Variants in NTN1 observed in about 807,000 individuals in gnomAD.
The protein encoded by NTN1 is netrin-1.
In NTN1, 11 loss-of-function variants were observed where a neutral mutation model predicts 54.2. The observed-to-expected ratio is 0.20, with a 90% CI of 0.13 to 0.34. The LOEUF (loss-of-function observed/expected upper bound fraction) is 0.34. NTN1 is among the 10% of genes least tolerant of loss of function. The pLI, the probability that NTN1 is intolerant of heterozygous loss-of-function variation, is 1.00. For missense variants in NTN1, 740 were observed against 893.1 expected (o/e 0.83, Z 2.18); for synonymous variants, 371 against 382.0 (o/e 0.97, Z 0.33).
intron 2 of NTN1, among the ~76,000 whole-genome samples, chr17:9,149,158 T>G (rs1215997160): frequency 6.6e-6 from 1 of 152,028 alleles, no homozygotes; most frequent in African/African-American, 2.4e-5. Flanking sequence ...GAGCCAGGCT[T>G]GGCCGGCTTG....
chr17:9,163,470 C>CT lies in NTN1; in HGVS notation c.1207+469_1207+470insT, dbSNP rs1355382517. Among the ~76,000 whole-genome samples the CT allele has an allele frequency of 4.5e-5, 4 of 89,768 alleles. No individual in the cohort carries two copies. In the Admixed American group the frequency reaches 5.4e-4, roughly 12 times the overall value. The allele number at this position is 89,768 out of a possible 152,430, so 58.9% of individuals were successfully genotyped here. A position where few individuals can be genotyped will look rare whatever the true frequency, so the allele number is the denominator to read the frequency against. On this transcript the variant is annotated intron_variant, in intron 3 of 6. Coordinates refer to ENST00000173229, the MANE Select transcript of NTN1 (RefSeq NM_004822.3). ...ATATGTGCGCACCGCCCCTCACTCC[C>CT]CCCCGAAACACACACACACACACAC... is the stretch of plus-strand genomic sequence containing the variant.
chr17:9,114,157 A>G lies in NTN1; in HGVS notation c.1019-48656A>G, dbSNP rs1212097326. On this transcript the variant is annotated intron_variant, in intron 2 of 6. Coordinates refer to ENST00000173229, the MANE Select transcript of NTN1 (RefSeq NM_004822.3). ...AGCCTGGGTGCCAAAAAAAAAGAAA[A>G]AAAAAAAAAATATATATATATATAT... is the stretch of plus-strand genomic sequence containing the variant. Among the ~76,000 whole-genome samples, 10 of 100,142 alleles carry G rather than the reference A, an allele frequency of 1.0e-4. 1 individual carries two copies. Among genetic ancestry groups the G allele is most frequent in the Non-Finnish European group, 1.8e-4 (9 of 49,444 alleles). The allele number at this position is 100,142 out of a possible 152,430, so 65.7% of individuals were successfully genotyped here.
In NTN1 at chr17:9,023,145, G is replaced by T; in HGVS notation, c.772G>T (p.Gly258Cys). Residue 258 changes from glycine (G) to cysteine (C), a missense_variant, in exon 2 of 7, where the codon GGC becomes TGC. Physicochemically the swap from Gly to Cys is radical, Grantham distance 159 (BLOSUM62 -3). Transcript: ENST00000173229. The stretch of plus-strand genomic sequence containing the variant: ...GGCCTTCAGCCGCCTGCACACGTTC[G>T]GCGACGAGAACGAGGACGACTCGGA... ...RVAFSRLHTFGDENEDDSELA... is the reference protein window; with the variant it reads ...RVAFSRLHTFCDENEDDSELA... The T allele has an allele frequency of 6.4e-7, 1 of 1,564,744 alleles. No individual in the cohort carries two copies. The highest frequency in any genetic ancestry group is 8.7e-7 in the Non-Finnish European group (1 of 1,153,582).
intron 2 of NTN1, among the ~76,000 whole-genome samples, chr17:9,048,797 T>C (rs895228173): frequency 3.3e-5 from 5 of 152,140 alleles, no homozygotes; most frequent in African/African-American, 1.2e-4. Context: ...GCTGAGATTG[T>C]GGGTGCCCAC....
At chr17:9,008,818 C>T in the NTN1 span, among the ~76,000 whole-genome samples, 2 of 152,164 alleles carry the variant, frequency 1.3e-5, no homozygotes, top group African/African-American at 4.8e-5. Context: ...CCCAGCATCA[C>T]GGAGATGTTA....
rs747118573 is a variant in NTN1 at position 9,221,156 on chromosome 17, AC to A, written c.1412-6del. 5.9e-5 allele frequency: 50 copies of A among 853,764 alleles called. No individual in the cohort carries two copies. The highest frequency in any genetic ancestry group is 5.6e-4 in the East Asian group (19 of 33,852). 52.9% of individuals were successfully genotyped at this position (853,764 alleles called of 1,614,324 possible). ...TAGTTTTTGTCTGTGCTCCCCCCCC[AC>A]CCCCCTGCAGACTGCGATTCCTACT... is the stretch of plus-strand genomic sequence containing the variant. On this transcript the variant is annotated splice_polypyrimidine_tract_variant and intron_variant, in intron 5 of 6. Coordinates refer to ENST00000173229, the MANE Select transcript of NTN1 (RefSeq NM_004822.3). This position sits in a 1 kb window ranked among gnomAD's most constrained non-coding sequence, Gnocchi z 4.5.
chr17:9,102,385 TAAA>T (rs138474896), intron 2 of NTN1, among the ~76,000 whole-genome samples: 40 of 152,024 alleles, frequency 2.6e-4, no homozygotes, highest in African/African-American at 8.7e-4. Context: ...GGAAGCCCCT[TAAA>T]AAACCATCAG....
intron 2 of NTN1, among the ~76,000 whole-genome samples, chr17:9,121,422 C>G (rs1029887911): frequency 6.6e-6 from 1 of 152,136 alleles, no homozygotes; most frequent in African/African-American, 2.4e-5. Flanking sequence ...CTCTGTTCAT[C>G]CGTGCCTGCC....
At chr17:9,063,692 T>C (rs867242531) in intron 2 of NTN1, among the ~76,000 whole-genome samples, 1 of 151,964 alleles carries the variant, frequency 6.6e-6, no homozygotes, top group African/African-American at 2.4e-5. Flanking sequence ...GGACTGCAGG[T>C]GCCCGCCACC....
rs548076978 is a variant in NTN1 at position 9,159,800 on chromosome 17, C to CAAAT, written c.1019-2995_1019-2992dup. Among the ~76,000 whole-genome samples the CAAAT allele has an allele frequency of 6.0e-3, 905 of 151,898 alleles. 10 individuals carry two copies. Among genetic ancestry groups the CAAAT allele is most frequent in the African/African-American group, 0.02 (841 of 41,410 alleles). On this transcript the variant is annotated intron_variant, in intron 2 of 6. Coordinates refer to ENST00000173229, the MANE Select transcript of NTN1 (RefSeq NM_004822.3). ...TGGGCTACAGAACGAGACTCCATCTCAAATAAATAAATAAATAAATATAAA... is the reference window on the plus strand; with the variant it reads ...TGGGCTACAGAACGAGACTCCATCTCAAATAAATAAATAAATAAATAAATATAAA...
At chr17:9,140,793 T>C (rs147018704) in intron 2 of NTN1, among the ~76,000 whole-genome samples, 4 of 152,264 alleles carry the variant, frequency 2.6e-5, no homozygotes, top group Non-Finnish European at 4.4e-5. Flanking sequence ...CTAGAATTCA[T>C]TACCACCGGC....
At chr17:9,102,681 T>C (rs1258162451) in intron 2 of NTN1, among the ~76,000 whole-genome samples, 1 of 152,238 alleles carries the variant, frequency 6.6e-6, no homozygotes, top group Non-Finnish European at 1.5e-5. Flanking sequence ...AGGATGTTCA[T>C]TGTAACACTC....
chr17:9,091,053 G>A (rs1295229344), intron 2 of NTN1, among the ~76,000 whole-genome samples: 1 of 152,146 alleles, frequency 6.6e-6, no homozygotes, highest in Non-Finnish European at 1.5e-5. Flanking sequence ...AGTGCCAAGT[G>A]CAAGGTTTCT....
At chr17:9,196,534 C>T (rs1904639045) in intron 5 of NTN1, among the ~76,000 whole-genome samples, 1 of 152,254 alleles carries the variant, frequency 6.6e-6, no homozygotes, top group Non-Finnish European at 1.5e-5. Flanking sequence ...TGTGCGGCCA[C>T]ACAATGCAAG....
At chr17:9,151,821 C>G (rs1279217629) in intron 2 of NTN1, among the ~76,000 whole-genome samples, 1 of 152,196 alleles carries the variant, frequency 6.6e-6, no homozygotes, top group Non-Finnish European at 1.5e-5. Flanking sequence ...GATTGTAAAA[C>G]ACACCAATCA....
intron 5 of NTN1, among the ~76,000 whole-genome samples, chr17:9,186,555 C>T (rs923474795): frequency 2.0e-5 from 3 of 152,112 alleles, no homozygotes; most frequent in Admixed American, 1.3e-4. Flanking sequence ...GTACCTTTGG[C>T]TAACTGCCCC....
At chr17:9,003,399 G>C in the NTN1 span, among the ~76,000 whole-genome samples, 1 of 151,660 alleles carries the variant, frequency 6.6e-6, no homozygotes, top group African/African-American at 2.4e-5. The surrounding 1 kb of genome is among the most constrained non-coding windows in gnomAD (Gnocchi z 7.4). Flanking sequence ...AGGGGCGCAC[G>C]CCAGAGCCCC....
At chr17:9,204,384 C>T (rs1904910844) in intron 5 of NTN1, among the ~76,000 whole-genome samples, 1 of 152,056 alleles carries the variant, frequency 6.6e-6, no homozygotes, top group African/African-American at 2.4e-5. Flanking sequence ...GCCTCCACCT[C>T]CTGGGTTCAA....
intron 6 of NTN1, among the ~76,000 whole-genome samples, chr17:9,226,764 TGCGAGGAGGCG>T (rs1905577697): frequency 1.3e-5 from 2 of 152,116 alleles, no homozygotes; most frequent in East Asian, 1.9e-4. Context: ...ACCCTTCCTC[TGCGAGGAGGCG>T]GCGAGTGAGC....
Sources: gnomAD v4.1 joint callset for allele counts (sites outside exome capture counted in the v4.1 genomes callset) on GRCh38, gnomAD v4.1.1 for gene constraint, Gnocchi (gnomAD v3.1) non-coding constraint, MANE v1.5 for transcripts, NCBI Gene and HGNC (gene_info 2026-07-23, HGNC 2026-07-21) for gene names.